LPCAT3: variants seen among roughly 807,000 people sequenced by gnomAD.
LPCAT3 encodes the protein lysophosphatidylcholine acyltransferase 3, also known as lysophospholipid acyltransferase 5.
A neutral mutation model predicts 63.4 loss-of-function variants in LPCAT3; 21 were observed. That is an observed-to-expected ratio of 0.33 (90% confidence interval 0.23 to 0.48). The LOEUF (loss-of-function observed/expected upper bound fraction) is 0.48, where lower values mean the gene tolerates loss of function less well. Ranked by LOEUF, LPCAT3 falls within the 20% of genes least tolerant of loss-of-function variation. The pLI is 0.99. For missense variants in LPCAT3, 451 were observed against 590.6 expected, an observed-to-expected ratio of 0.76 and a Z score of 2.45; for synonymous variants, 242 against 227.5, an observed-to-expected ratio of 1.06 and a Z score of -0.58.
At chr12:6,983,626 G>T in intron 1 of LPCAT3, 87 bp from the exon 2 acceptor site, 1 of 783,562 alleles carries the variant, frequency 1.3e-6, no homozygotes. Flanking sequence ...ATGAAACGCA[G>T]CCCAGAGGGA....
chr12:7,012,147 T>C (rs1355163907), intron 1 of LPCAT3, among the ~76,000 whole-genome samples: 2 of 152,178 alleles, frequency 1.3e-5, no homozygotes, highest in African/African-American at 4.8e-5. Context: ...CAAGCCACCA[T>C]CATGGCCAAG....
At chr12:6,980,519 T>C (rs781823654) in intron 6 of LPCAT3, among the ~76,000 whole-genome samples, 1 of 151,522 alleles carries the variant, frequency 6.6e-6, no homozygotes, top group African/African-American at 2.4e-5. Flanking sequence ...CTATGTCTGA[T>C]AATTTTTGTA....
At chr12:6,996,261 A>G (rs782292363) in intron 1 of LPCAT3, among the ~76,000 whole-genome samples, 18 of 152,206 alleles carry the variant, frequency 1.2e-4, no homozygotes, top group Non-Finnish European at 2.4e-4. Flanking sequence ...CTTTGCACAG[A>G]TAAGCTCAAA....
At chr12:6,995,987 C>A (rs1314294983) in intron 1 of LPCAT3, among the ~76,000 whole-genome samples, 3 of 152,130 alleles carry the variant, frequency 2.0e-5, no homozygotes, top group African/African-American at 7.2e-5. Flanking sequence ...CTTAATGAAG[C>A]ATCTAGAGGG....
intron 1 of LPCAT3, among the ~76,000 whole-genome samples, chr12:6,989,786 C>A (rs73264627): frequency 0.02 from 2,978 of 152,266 alleles, 106 homozygotes; most frequent in African/African-American, 0.069. Context: ...GGAACGTTTT[C>A]TTATTTCCTG....
intron 2 of LPCAT3, 71 bp from the exon 3 acceptor site, chr12:6,982,853 TA>T: frequency 3.1e-6 from 3 of 958,740 alleles, no homozygotes; most frequent in South Asian, 2.9e-5. Context: ...AATCACAACG[TA>T]ATATATAAAG....
Position 6,978,272 on chromosome 12 carries a change from C to T in LPCAT3, c.1040+69G>A, listed in dbSNP as rs781922666. On this transcript the variant is annotated intron_variant, in intron 9 of 12. Transcript: ENST00000261407. ...ACGCATAGGGGTGACATGGTACACC[C>T]CTGCCCTCCAATCTGGGAAGACAGT... The T allele has an allele frequency of 9.8e-5, 151 of 1,536,072 alleles. 1 individual carries two copies. Among genetic ancestry groups the T allele is most frequent in the Middle Eastern group, 4.8e-4 (2 of 4,154 alleles).
intron 1 of LPCAT3, among the ~76,000 whole-genome samples, chr12:6,993,542 TTC>T (rs1946608359): frequency 6.6e-6 from 1 of 152,190 alleles, no homozygotes; most frequent in Non-Finnish European, 1.5e-5. Flanking sequence ...TCATTTCCCA[TTC>T]TCTCTTAACT....
intron 1 of LPCAT3, among the ~76,000 whole-genome samples, chr12:7,014,824 C>T (rs1351344472): frequency 7.1e-6 from 1 of 141,168 alleles, no homozygotes; most frequent in Admixed American, 7.8e-5. Context: ...ACCTGGGAGG[C>T]GGAGGTTGCA....
chr12:6,983,342 C>G (rs1353491456), intron 2 of LPCAT3, 90 bp downstream of exon 2: 9 of 805,678 alleles, frequency 1.1e-5, no homozygotes, highest in African/African-American at 1.7e-5. Context: ...ACTTCCCTAC[C>G]TATTAGATTC....
intron 1 of LPCAT3, among the ~76,000 whole-genome samples, chr12:7,008,701 G>C (rs1316172112): frequency 1.3e-5 from 2 of 151,736 alleles, no homozygotes; most frequent in African/African-American, 4.8e-5. Flanking sequence ...GCAGTGAGCT[G>C]AGATTGTACC....
intron 6 of LPCAT3, chr12:6,979,909 G>T (rs1183556759): frequency 4.0e-6 from 1 of 250,952 alleles, no homozygotes; most frequent in Non-Finnish European, 7.5e-6. Flanking sequence ...CCCAGTGGAG[G>T]TAAGATAATA....
At chr12:6,996,552 A>C (rs1555156044) in intron 1 of LPCAT3, among the ~76,000 whole-genome samples, 1 of 152,248 alleles carries the variant, frequency 6.6e-6, no homozygotes, top group Non-Finnish European at 1.5e-5. Context: ...CCTGGTACAC[A>C]AAATTTCTCA....
chr12:6,986,894 G>A lies in LPCAT3; in HGVS notation c.152-3355C>T, dbSNP rs868918683. 1.4e-4 allele frequency among the ~76,000 whole-genome samples: 21 copies of A among 151,532 alleles called. 1 individual carries two copies. Among genetic ancestry groups the A allele is most frequent in the Admixed American group, 1.1e-3 (16 of 15,190 alleles). On this transcript the variant is annotated intron_variant, in intron 1 of 12. Coordinates refer to ENST00000261407, the MANE Select transcript of LPCAT3 (RefSeq NM_005768.6). ...TTTGGGAGGCTTAGGCGGGTGGGTC[G>A]CCTGAGATCAGGAGTTTGAGACGAG...
At chr12:7,001,240 G>C (rs1356314942) in intron 1 of LPCAT3, among the ~76,000 whole-genome samples, 7 of 152,058 alleles carry the variant, frequency 4.6e-5, no homozygotes, top group Admixed American at 3.9e-4. Context: ...CAAGGCTCTG[G>C]GGGGTGGGGT....
At chr12:6,980,262 T>C (rs1362331968) in intron 6 of LPCAT3, among the ~76,000 whole-genome samples, 1 of 151,780 alleles carries the variant, frequency 6.6e-6, no homozygotes, top group Non-Finnish European at 1.5e-5. Flanking sequence ...AGGCTGGTCT[T>C]GAACTCCTGG....
Position 7,003,359 on chromosome 12 carries a change from GTTTT to G in LPCAT3, c.151+14911_151+14914del, listed in dbSNP as rs200605460. ...ATTGAGTGCTTTGGGAGTAGGGTGA[GTTTT>G]TTTTTTTTTTTTAACATATGTTTGA... On this transcript the variant is annotated intron_variant, in intron 1 of 12. Coordinates refer to ENST00000261407, the MANE Select transcript of LPCAT3 (RefSeq NM_005768.6). Among the ~76,000 whole-genome samples, 8 of 137,978 alleles carry G rather than the reference GTTTT, an allele frequency of 5.8e-5. No homozygotes were observed. The Admixed American group carries it at 5.8e-4, about 10-fold the overall frequency. The allele number at this position is 137,978 out of a possible 152,430, so 90.5% of individuals were successfully genotyped here. A position where few individuals can be genotyped will look rare whatever the true frequency, so the allele number is the denominator to read the frequency against.
chr12:6,983,286 C>A, intron 2 of LPCAT3, 146 bp downstream of exon 2: 1 of 644,270 alleles, frequency 1.6e-6, no homozygotes, highest in South Asian at 1.9e-5. Flanking sequence ...AAAAGTTAAG[C>A]TGTGTTCCTC....
At chr12:6,980,934 G>T in intron 6 of LPCAT3, 70 bp downstream of exon 6, 1 of 1,443,850 alleles carries the variant, frequency 6.9e-7, no homozygotes, top group Non-Finnish European at 9.3e-7. Flanking sequence ...GGAGAATGCA[G>T]CTTTCAGAAG....
Sources: gnomAD v4.1 joint callset for allele counts (sites outside exome capture counted in the v4.1 genomes callset) on GRCh38, gnomAD v4.1.1 for gene constraint, MANE v1.5 for transcripts, NCBI Gene and HGNC (gene_info 2026-07-23, HGNC 2026-07-21) for gene names.